CALCR: variants seen among roughly 807,000 people sequenced by gnomAD.
CALCR encodes the protein calcitonin receptor.
In CALCR, 47 loss-of-function variants were observed where a neutral mutation model predicts 59.5. The observed-to-expected ratio is 0.79, with a 90% CI of 0.63 to 1.01. CALCR has a LOEUF of 1.01. CALCR is among the 50% of genes least tolerant of loss of function. The pLI is 0.00. For missense variants in CALCR, 566 were observed against 597.1 expected, an observed-to-expected ratio of 0.95 and a Z score of 0.54; for synonymous variants, 213 against 211.3, an observed-to-expected ratio of 1.01 and a Z score of -0.07.
At chr7:93,573,728 T>C (rs1790054397) in intron 2 of CALCR, among the ~76,000 whole-genome samples, 1 of 152,232 alleles carries the variant, frequency 6.6e-6, no homozygotes, top group South Asian at 2.1e-4. Flanking sequence ...GAGTACTCTT[T>C]TGGAAACTAT....
At chr7:93,571,940 G>T (rs150461444) in intron 2 of CALCR, among the ~76,000 whole-genome samples, 1 of 152,126 alleles carries the variant, frequency 6.6e-6, no homozygotes. Context: ...AAAAGGGTAC[G>T]TATTTGTACT....
chr7:93,442,498 G>C (rs1403658678), intron 9 of CALCR, among the ~76,000 whole-genome samples: 1 of 152,136 alleles, frequency 6.6e-6, no homozygotes, highest in Non-Finnish European at 1.5e-5. Context: ...AAGACTCTAG[G>C]CTGCTTATAT....
intron 2 of CALCR, among the ~76,000 whole-genome samples, chr7:93,528,433 C>T (rs574649684): frequency 1.3e-5 from 2 of 152,164 alleles, no homozygotes; most frequent in African/African-American, 2.4e-5. Context: ...CCCTCTTCCC[C>T]CAGCCCACAA....
chr7:93,524,088 A>G (rs551259743), intron 2 of CALCR, among the ~76,000 whole-genome samples: 3 of 152,150 alleles, frequency 2.0e-5, no homozygotes, highest in African/African-American at 7.2e-5. Flanking sequence ...AAAATGAAAA[A>G]TATATAAAGA....
intron 6 of CALCR, among the ~76,000 whole-genome samples, 161 bp downstream of exon 6, chr7:93,472,214 A>G (rs1310149358): frequency 6.6e-6 from 1 of 151,820 alleles, no homozygotes; most frequent in African/African-American, 2.4e-5. Context: ...CATTTTCTCT[A>G]ATTCTACTCT....
intron 2 of CALCR, among the ~76,000 whole-genome samples, chr7:93,566,503 T>TTAAATTTAATATAATTA (rs1198865765): frequency 2.0e-5 from 3 of 152,164 alleles, no homozygotes; most frequent in Non-Finnish European, 4.4e-5. Context: ...ACAATTAATA[T>TTAAATTTAATATAATTA]ACCAATTATA....
intron 8 of CALCR, among the ~76,000 whole-genome samples, chr7:93,454,115 T>C (rs955914406): frequency 9.9e-5 from 15 of 152,028 alleles, no homozygotes; most frequent in African/African-American, 3.6e-4. Flanking sequence ...AACTCTGCTA[T>C]CTCGGTTACC....
intron 8 of CALCR, among the ~76,000 whole-genome samples, chr7:93,446,156 G>T (rs746650798): frequency 2.6e-5 from 4 of 152,008 alleles, no homozygotes; most frequent in Non-Finnish European, 2.9e-5. Flanking sequence ...GAATAAAAAT[G>T]AGAATTGACC....
At chr7:93,500,273 T>C (rs1801294497) in intron 2 of CALCR, among the ~76,000 whole-genome samples, 1 of 151,960 alleles carries the variant, frequency 6.6e-6, no homozygotes, top group African/African-American at 2.4e-5. Context: ...ATAACCATAA[T>C]GATAGTTCAT....
rs1366777644 is a variant in CALCR, at chr7:93,426,337, T to G, written c.*19A>C. The G allele has an allele frequency of 5.9e-6, 8 of 1,348,642 alleles. No individual in the cohort carries two copies. In the Admixed American group the frequency reaches 1.2e-4, roughly 20 times the overall value. 83.5% of individuals were successfully genotyped at this position (1,348,642 alleles called of 1,614,324 possible). A position where few individuals can be genotyped will look rare whatever the true frequency, so the allele number is the denominator to read the frequency against. ...GGAAATGATGGCTCAGTGATCACGA[T>G]GCTGTGTTTGCTTCACATTCAAGCA... On this transcript the variant is annotated 3_prime_UTR_variant, in exon 14 of 14. Coordinates refer to ENST00000426151, the MANE Select transcript of CALCR (RefSeq NM_001742.4).
chr7:93,512,367 A>G (rs933297081), intron 2 of CALCR, among the ~76,000 whole-genome samples: 1 of 152,132 alleles, frequency 6.6e-6, no homozygotes, highest in African/African-American at 2.4e-5. Context: ...ATTTAGCAAG[A>G]GGTGGAATCT....
At chr7:93,495,973 T>G in intron 2 of CALCR, 1 of 1,476,014 alleles carries the variant, frequency 6.8e-7, no homozygotes, top group Non-Finnish European at 9.1e-7. Flanking sequence ...GAATCATTTA[T>G]TCTGTGAATA....
intron 8 of CALCR, among the ~76,000 whole-genome samples, chr7:93,447,372 A>G (rs1398440212): frequency 6.6e-6 from 1 of 152,022 alleles, no homozygotes; most frequent in Non-Finnish European, 1.5e-5. Context: ...ATAACATAGG[A>G]AATCTTGTGT....
intron 2 of CALCR, among the ~76,000 whole-genome samples, chr7:93,537,197 T>C (rs1279951056): frequency 6.6e-6 from 1 of 151,822 alleles, no homozygotes; most frequent in East Asian, 1.9e-4. Context: ...TATTAAATTG[T>C]TTAGTGAAGT....
chr7:93,434,253 C>T lies in CALCR; in HGVS notation c.1191G>A (p.Glu397=). 3.1e-6 allele frequency: 5 copies of T among 1,606,532 alleles called. No individual in the cohort carries two copies. The highest frequency in any genetic ancestry group is 4.3e-6 in the Non-Finnish European group (5 of 1,173,280). ...AGTATTATATGAAATGCATGCTTAC[C>T]TCATTGTTGCAGAAGCAGTAGATGG... ...VATIYCFCNN[E]VQTTVKRQWA... Residue 397 remains glutamate (E), a splice_region_variant and synonymous_variant, in exon 13 of 14, where the codon GAG becomes GAA. Coordinates refer to ENST00000426151, the MANE Select transcript of CALCR (RefSeq NM_001742.4).
At chr7:93,562,435 C>T (rs866418861) in intron 2 of CALCR, among the ~76,000 whole-genome samples, 1 of 144,430 alleles carries the variant, frequency 6.9e-6, no homozygotes, top group African/African-American at 2.8e-5. Flanking sequence ...ACAACAACAA[C>T]AACAAAAAAC....
At chr7:93,448,387 A>G (rs1258090748) in intron 8 of CALCR, among the ~76,000 whole-genome samples, 1 of 151,976 alleles carries the variant, frequency 6.6e-6, no homozygotes, top group African/African-American at 2.4e-5. Context: ...TATGTTTCCT[A>G]TATTCTGCCA....
intron 2 of CALCR, among the ~76,000 whole-genome samples, chr7:93,492,140 C>T (rs1584580941): frequency 6.6e-6 from 1 of 151,574 alleles, no homozygotes; most frequent in South Asian, 2.1e-4. Flanking sequence ...CAAACTAACA[C>T]AGGAACAGAA....
chr7:93,481,608 T>A (rs1800799155), intron 3 of CALCR, among the ~76,000 whole-genome samples: 1 of 151,738 alleles, frequency 6.6e-6, no homozygotes, highest in African/African-American at 2.4e-5. Context: ...TGGGTTAGAT[T>A]TGGAGATGGT....
Sources: allele counts gnomAD v4.1 joint callset (sites outside exome capture counted in the v4.1 genomes callset), GRCh38; gene constraint gnomAD v4.1.1; transcripts MANE v1.5; gene names NCBI Gene and HGNC (gene_info 2026-07-23, HGNC 2026-07-21).